INPP4B: variants seen among roughly 807,000 people sequenced by gnomAD.
INPP4B encodes the protein inositol polyphosphate-4-phosphatase type II B, also known as inositol polyphosphate 4-phosphatase type II.
Under a neutral mutation model 122.5 loss-of-function variants are expected in INPP4B, and 55 were observed. That is an observed-to-expected ratio of 0.45 (90% CI 0.36 to 0.56). The LOEUF (loss-of-function observed/expected upper bound fraction) is 0.56. Ranked by LOEUF, INPP4B falls within the 20% of genes least tolerant of loss-of-function variation. The pLI, the probability that INPP4B is intolerant of heterozygous loss-of-function variation, is 0.00. For missense variants in INPP4B, 1,000 were observed against 1,097.7 expected, an observed-to-expected ratio of 0.91 and a Z score of 1.26; for synonymous variants, 403 against 388.7, an observed-to-expected ratio of 1.04 and a Z score of -0.43.
intron 2 of INPP4B, among the ~76,000 whole-genome samples, chr4:142,498,809 A>C (rs958103133): frequency 2.6e-5 from 4 of 152,128 alleles, no homozygotes; most frequent in African/African-American, 9.7e-5. Flanking sequence ...AAATAATAAA[A>C]TGTGTCTTAT....
At chr4:142,573,960 T>C (rs1733343600) in intron 2 of INPP4B, among the ~76,000 whole-genome samples, 1 of 152,132 alleles carries the variant, frequency 6.6e-6, no homozygotes, top group South Asian at 2.1e-4. Context: ...CAAATTACTT[T>C]ATTATATATA....
chr4:142,229,840 G>T (rs1853377915), intron 12 of INPP4B, among the ~76,000 whole-genome samples: 2 of 152,088 alleles, frequency 1.3e-5, no homozygotes, highest in South Asian at 4.1e-4. Flanking sequence ...GTATATTTTT[G>T]GGGGGATAGG....
In INPP4B at chr4:142,314,578, C is replaced by T. The variant is rs1766774807; in HGVS notation, c.423+134G>A. ...GCAATTCAGCAAATATGTGACAGTGCCTCCTTGAAGAGCCACACCCTGTTA... is the reference window on the plus strand; with the variant it reads ...GCAATTCAGCAAATATGTGACAGTGTCTCCTTGAAGAGCCACACCCTGTTA... On this transcript the variant is annotated intron_variant, in intron 8 of 25. Transcript: ENST00000262992. The T allele has an allele frequency of 6.4e-6, 5 of 776,062 alleles. No individual in the cohort carries two copies. The Admixed American group carries it at 8.2e-5, about 13-fold the overall frequency. The allele number at this position is 776,062 out of a possible 1,614,324, so 48.1% of individuals were successfully genotyped here. A position where few individuals can be genotyped will look rare whatever the true frequency, so the allele number is the denominator to read the frequency against.
chr4:142,622,363 A>G (rs997762772), intron 2 of INPP4B, among the ~76,000 whole-genome samples: 1 of 151,626 alleles, frequency 6.6e-6, no homozygotes, highest in African/African-American at 2.4e-5. Flanking sequence ...ACCTCTCTCC[A>G]GGGTCCTGTA....
intron 18 of INPP4B, among the ~76,000 whole-genome samples, chr4:142,127,291 T>C (rs1204277817): frequency 6.6e-6 from 1 of 152,196 alleles, no homozygotes; most frequent in East Asian, 1.9e-4. Context: ...TGACCACATT[T>C]GTTTTCTTGC....
At chr4:142,085,488 A>T (rs779531367) in intron 24 of INPP4B, among the ~76,000 whole-genome samples, 4 of 152,204 alleles carry the variant, frequency 2.6e-5, no homozygotes, top group Non-Finnish European at 4.4e-5. Context: ...CATAAATTTC[A>T]TGTGAGCTAT....
chr4:142,649,694 C>G (rs778199913), intron 2 of INPP4B, among the ~76,000 whole-genome samples: 1 of 152,004 alleles, frequency 6.6e-6, no homozygotes, highest in Non-Finnish European at 1.5e-5. Flanking sequence ...TGAACAAAAC[C>G]TCCAAGAAAT....
intron 2 of INPP4B, among the ~76,000 whole-genome samples, chr4:142,486,433 T>C (rs1322385143): frequency 6.6e-6 from 1 of 152,168 alleles, no homozygotes; most frequent in Non-Finnish European, 1.5e-5. Context: ...TGAGAACTAT[T>C]CAAATCTTTT....
intron 1 of INPP4B, among the ~76,000 whole-genome samples, chr4:142,739,954 A>ATT (rs1767665483): frequency 6.6e-6 from 1 of 152,048 alleles, no homozygotes; most frequent in African/African-American, 2.4e-5. Context: ...TTTTCATAAC[A>ATT]TTTCTGATTT....
At chr4:142,122,513 C>A (rs1210422746) in intron 20 of INPP4B, among the ~76,000 whole-genome samples, 3 of 151,966 alleles carry the variant, frequency 2.0e-5, no homozygotes, top group Non-Finnish European at 2.9e-5. Context: ...TGTTTTAACC[C>A]CTTTGTGATT....
At chr4:142,371,498 C>T (rs536904062) in intron 7 of INPP4B, among the ~76,000 whole-genome samples, 91 of 151,908 alleles carry the variant, frequency 6.0e-4, no homozygotes, top group African/African-American at 1.5e-3. Context: ...ACCTGTAGAA[C>T]GGAAGAAAAT....
chr4:142,170,265 C>T (rs1824950256), intron 16 of INPP4B, among the ~76,000 whole-genome samples: 1 of 151,602 alleles, frequency 6.6e-6, no homozygotes, highest in African/African-American at 2.4e-5. Context: ...AACTAATATG[C>T]AACAACCAAA....
intron 9 of INPP4B, among the ~76,000 whole-genome samples, chr4:142,290,923 A>T (rs1756194776): frequency 6.6e-6 from 1 of 152,102 alleles, no homozygotes; most frequent in African/African-American, 2.4e-5. Flanking sequence ...ACCAATATTT[A>T]TTGGCAGCTA....
chr4:142,318,779 T>C (rs947453759), intron 7 of INPP4B, among the ~76,000 whole-genome samples: 2 of 152,122 alleles, frequency 1.3e-5, no homozygotes, highest in African/African-American at 2.4e-5. Flanking sequence ...TTAAACTAAA[T>C]TTATCTTAAA....
chr4:142,305,811 A>G, intron 8 of INPP4B: 1 of 1,195,810 alleles, frequency 8.4e-7, no homozygotes, highest in East Asian at 4.9e-5. Context: ...TTGTTTCACT[A>G]ACTATAATTT....
intron 1 of INPP4B, among the ~76,000 whole-genome samples, chr4:142,832,160 A>G (rs1782224722): frequency 6.6e-6 from 1 of 152,198 alleles, no homozygotes; most frequent in African/African-American, 2.4e-5. Context: ...GAATGTGCCG[A>G]GTAGATAATT....
chr4:142,621,978 T>A (rs1745037976), intron 2 of INPP4B, among the ~76,000 whole-genome samples: 1 of 151,890 alleles, frequency 6.6e-6, no homozygotes. Flanking sequence ...TTAAGTAACT[T>A]AATGAAGGTT....
At chr4:142,102,640 T>C (rs937886239) in intron 23 of INPP4B, among the ~76,000 whole-genome samples, 3 of 152,044 alleles carry the variant, frequency 2.0e-5, no homozygotes, top group African/African-American at 7.2e-5. Flanking sequence ...GCTGGAATTC[T>C]TTAGGTGTTA....
At chr4:142,087,004 A>G (rs576931529) in intron 23 of INPP4B, among the ~76,000 whole-genome samples, 1 of 152,320 alleles carries the variant, frequency 6.6e-6, no homozygotes, top group East Asian at 1.9e-4. Flanking sequence ...AGACACATGA[A>G]ATCAGTTGCT....
Sources: gnomAD v4.1 joint callset for allele counts (sites outside exome capture counted in the v4.1 genomes callset) on GRCh38, gnomAD v4.1.1 for gene constraint, MANE v1.5 for transcripts, NCBI Gene and HGNC (gene_info 2026-07-23, HGNC 2026-07-21) for gene names.